Variants in GALNT18 observed in about 807,000 individuals in gnomAD.
The protein encoded by GALNT18 is polypeptide N-acetylgalactosaminyltransferase 18.
GALNT18 carries 44 observed loss-of-function variants against 69.5 expected under a neutral mutation model. The observed-to-expected ratio is 0.63, with a 90% CI of 0.50 to 0.81. GALNT18 has a LOEUF of 0.81. Ranked by LOEUF, GALNT18 falls within the 40% of genes least tolerant of loss-of-function variation. The pLI, the probability that GALNT18 is intolerant of heterozygous loss-of-function variation, is 0.00. For synonymous variants in GALNT18, 364 were observed against 318.2 expected, an observed-to-expected ratio of 1.14 and a Z score of -1.53; for missense variants, 715 against 810.0, an observed-to-expected ratio of 0.88 and a Z score of 1.42.
At chr11:11,310,854 C>A (rs1849660595) in intron 9 of GALNT18, among the ~76,000 whole-genome samples, 1 of 152,130 alleles carries the variant, frequency 6.6e-6, no homozygotes, top group Non-Finnish European at 1.5e-5. Context: ...CCATTTATGC[C>A]CGTGATATAT....
chr11:11,600,573 TTC>T lies in GALNT18; in HGVS notation c.235+20784_235+20785del, dbSNP rs1191062888. ...TCTTTCTGTTACTGCTTCCAAGATT[TTC>T]TCTCTCTTTAGCTTTCAAAATTTCA... On this transcript the variant is annotated intron_variant, in intron 1 of 10. Transcript: ENST00000227756. This position sits in a 1 kb window ranked among gnomAD's most constrained non-coding sequence, Gnocchi z 4.8. Among the ~76,000 whole-genome samples the T allele has an allele frequency of 1.3e-5, 2 of 152,122 alleles. No individual in the cohort carries two copies. The highest frequency in any genetic ancestry group is 2.9e-5 in the Non-Finnish European group (2 of 67,980).
At chr11:11,399,914 T>G (rs1488100891) in intron 3 of GALNT18, among the ~76,000 whole-genome samples, 1 of 152,220 alleles carries the variant, frequency 6.6e-6, no homozygotes, top group East Asian at 1.9e-4. Flanking sequence ...ACATGCATTA[T>G]CCAATTTAAT....
At chr11:11,349,110 T>C (rs1471761462) in intron 6 of GALNT18, among the ~76,000 whole-genome samples, 1 of 152,228 alleles carries the variant, frequency 6.6e-6, no homozygotes, top group Non-Finnish European at 1.5e-5. Flanking sequence ...TAGAACCAGA[T>C]TGTACACATC....
At position 11,387,009 on chromosome 11, in the gene GALNT18, G is replaced by T. The variant is rs1854074103; in HGVS notation, c.596-7745C>A. On this transcript the variant is annotated intron_variant, in intron 3 of 10. Transcript: ENST00000227756. This position sits in a 1 kb window ranked among gnomAD's most constrained non-coding sequence, Gnocchi z 4.6. ...TCTCCAGGTGAGATTCTGACGGATG[G>T]GCCAAACTTGGTTACAACTGAAATA... is the stretch of plus-strand genomic sequence containing the variant. 6.6e-6 allele frequency among the ~76,000 whole-genome samples: 1 copy of T among 152,140 alleles called. No homozygotes were observed. Among genetic ancestry groups the T allele is most frequent in the African/African-American group, 2.4e-5 (1 of 41,440 alleles).
intron 3 of GALNT18, among the ~76,000 whole-genome samples, chr11:11,385,032 G>A (rs759066345): frequency 4.6e-5 from 7 of 152,252 alleles, no homozygotes; most frequent in Non-Finnish European, 8.8e-5. Flanking sequence ...GTCAGCAGTC[G>A]CTTCAGGTGA....
intron 1 of GALNT18, among the ~76,000 whole-genome samples, chr11:11,568,154 G>A (rs1030165213): frequency 2.6e-5 from 4 of 152,214 alleles, no homozygotes; most frequent in Non-Finnish European, 4.4e-5. Context: ...ATCACAAAAC[G>A]AGAAAGTATG....
intron 3 of GALNT18, among the ~76,000 whole-genome samples, chr11:11,385,298 A>ATTT (rs113464471): frequency 2.7e-5 from 4 of 146,210 alleles, no homozygotes; most frequent in Admixed American, 6.8e-5. Flanking sequence ...TGGGGATCAA[A>ATTT]TTTTTTTTTT....
At chr11:11,450,777 C>T (rs558756366) in intron 1 of GALNT18, among the ~76,000 whole-genome samples, 1 of 152,238 alleles carries the variant, frequency 6.6e-6, no homozygotes, top group East Asian at 1.9e-4. Context: ...CTCATCTCAC[C>T]CTATAAGGTA....
In GALNT18 at chr11:11,592,929, G is replaced by GTTTGTTTTTTGTTT. The variant is rs112673107; in HGVS notation, c.235+28416_235+28429dup. Among the ~76,000 whole-genome samples, 37 of 152,016 alleles carry GTTTGTTTTTTGTTT rather than the reference G, an allele frequency of 2.4e-4. No individual in the cohort carries two copies. The highest frequency in any genetic ancestry group is 8.7e-4 in the African/African-American group (36 of 41,358). ...CCCATGCTTCGCGTTGTTTTTTTCT[G>GTTTGTTTTTTGTTT]TTTGTTTTTTGTTTTTGTCTCTGTC... On this transcript the variant is annotated intron_variant, in intron 1 of 10. Transcript: ENST00000227756. The surrounding 1 kb of genome is among the most constrained non-coding windows in gnomAD (Gnocchi z 5.9).
At position 11,500,837 on chromosome 11, in the gene GALNT18, T is replaced by C. The variant is rs1200330331; in HGVS notation, c.236-51901A>G. ...AAAGGCCGGGCACAGCACCAGGCTCTCCCCAAACCTGGGAGTTCCTTTCCT... is the reference window on the plus strand; with the variant it reads ...AAAGGCCGGGCACAGCACCAGGCTCCCCCCAAACCTGGGAGTTCCTTTCCT... On this transcript the variant is annotated intron_variant, in intron 1 of 10. Coordinates refer to ENST00000227756, the MANE Select transcript of GALNT18 (RefSeq NM_198516.3). The surrounding 1 kb of genome is among the most constrained non-coding windows in gnomAD (Gnocchi z 5.0). Among the ~76,000 whole-genome samples, 1 of 152,186 alleles carries C rather than the reference T, an allele frequency of 6.6e-6. No individual in the cohort carries two copies.
Position 11,293,299 on chromosome 11 carries a change from G to C in GALNT18, c.1513-106C>G, listed in dbSNP as rs1001743636. On this transcript the variant is annotated intron_variant, in intron 9 of 10. Transcript: ENST00000227756. ...CAGCTGGCAGAGAGGCCACAGTTAG[G>C]GAAGACCCCGGAGTCTTCACATCCA... 1.6e-5 allele frequency: 14 copies of C among 870,488 alleles called. No individual in the cohort carries two copies. In the African/African-American group the frequency reaches 1.9e-4, roughly 12 times the overall value. 53.9% of individuals were successfully genotyped at this position (870,488 alleles called of 1,614,324 possible). A position where few individuals can be genotyped will look rare whatever the true frequency, so the allele number is the denominator to read the frequency against.
intron 3 of GALNT18, among the ~76,000 whole-genome samples, chr11:11,410,149 C>T (rs1316193730): frequency 6.6e-6 from 1 of 152,198 alleles, no homozygotes; most frequent in African/African-American, 2.4e-5. Flanking sequence ...CAGCCTCTCC[C>T]TGTCAAGGAC....
chr11:11,388,608 G>A (rs567215003), intron 3 of GALNT18, among the ~76,000 whole-genome samples: 5 of 152,210 alleles, frequency 3.3e-5, no homozygotes, highest in Non-Finnish European at 7.3e-5. Context: ...CTGAGTCTGA[G>A]TTGGGAAGAG....
In GALNT18 at chr11:11,439,247, G is replaced by C. The variant is rs1855481740; in HGVS notation, c.429-6460C>G. ...AGACGTGGACATGAAGTCACTGTTAGAAACACAGCAGAAGTGGGGCAAAGA... is the reference window on the plus strand; with the variant it reads ...AGACGTGGACATGAAGTCACTGTTACAAACACAGCAGAAGTGGGGCAAAGA... On this transcript the variant is annotated intron_variant, in intron 2 of 10. Coordinates refer to ENST00000227756, the MANE Select transcript of GALNT18 (RefSeq NM_198516.3). The surrounding 1 kb of genome is among the most constrained non-coding windows in gnomAD (Gnocchi z 4.4). 6.6e-6 allele frequency among the ~76,000 whole-genome samples: 1 copy of C among 152,218 alleles called. No homozygotes were observed. Among genetic ancestry groups the C allele is most frequent in the African/African-American group, 2.4e-5 (1 of 41,454 alleles).
intron 1 of GALNT18, among the ~76,000 whole-genome samples, chr11:11,485,889 GAGC>G (rs1301000343): frequency 6.6e-6 from 1 of 152,178 alleles, no homozygotes; most frequent in East Asian, 1.9e-4. Flanking sequence ...GAGGCTTCTG[GAGC>G]CAGTAAAAGT....
rs1171564476 is a variant in GALNT18, at chr11:11,315,085, T to C, written c.1512+12001A>G. ...GTGTATGTGTGTATATATGTGTACA[T>C]ACAGAAGTAAATGCATAAACAGATA... On this transcript the variant is annotated intron_variant, in intron 9 of 10. Coordinates refer to ENST00000227756, the MANE Select transcript of GALNT18 (RefSeq NM_198516.3). The surrounding 1 kb of genome is among the most constrained non-coding windows in gnomAD (Gnocchi z 5.6). 6.6e-6 allele frequency among the ~76,000 whole-genome samples: 1 copy of C among 152,042 alleles called. No homozygotes were observed. Among genetic ancestry groups the C allele is most frequent in the African/African-American group, 2.4e-5 (1 of 41,390 alleles).
At chr11:11,358,476 T>C (rs1850577358) in intron 6 of GALNT18, among the ~76,000 whole-genome samples, 1 of 140,326 alleles carries the variant, frequency 7.1e-6, no homozygotes. Flanking sequence ...TAATAACTCA[T>C]TTATAAGAAC....
At chr11:11,414,518 C>G (rs1854807592) in intron 3 of GALNT18, among the ~76,000 whole-genome samples, 1 of 152,156 alleles carries the variant, frequency 6.6e-6, no homozygotes, top group Admixed American at 6.5e-5. Flanking sequence ...TCACATGGCT[C>G]TCTCCTTCCA....
chr11:11,616,511 A>C lies in GALNT18; in HGVS notation c.235+4848T>G, dbSNP rs1409390002. Among the ~76,000 whole-genome samples the C allele has an allele frequency of 4.6e-5, 7 of 152,260 alleles. No individual in the cohort carries two copies. The highest frequency in any genetic ancestry group is 1.4e-4 in the African/African-American group (6 of 41,466). On this transcript the variant is annotated intron_variant, in intron 1 of 10. Coordinates refer to ENST00000227756, the MANE Select transcript of GALNT18 (RefSeq NM_198516.3). This position sits in a 1 kb window ranked among gnomAD's most constrained non-coding sequence, Gnocchi z 4.4. The stretch of plus-strand genomic sequence containing the variant: ...GAAGATGTTCATTTCTGCTCTAATT[A>C]TAATAGCAAAACAAATGTCCAATAA...
Sources: gnomAD v4.1 joint callset for allele counts (sites outside exome capture counted in the v4.1 genomes callset) on GRCh38, gnomAD v4.1.1 for gene constraint, Gnocchi (gnomAD v3.1) non-coding constraint, MANE v1.5 for transcripts, NCBI Gene and HGNC (gene_info 2026-07-23, HGNC 2026-07-21) for gene names.